DDA1: variants seen among roughly 807,000 people sequenced by gnomAD.
DDA1 encodes DET1 and DDB1 associated 1, also known as DET1- and DDB1-associated protein 1.
In DDA1, 3 loss-of-function variants were observed where a neutral mutation model predicts 18.6. The ratio of observed to expected loss-of-function variants is 0.16; its 90% CI spans 0.07 to 0.42. The LOEUF is 0.42. Ranked by LOEUF, DDA1 falls within the 10% of genes least tolerant of loss-of-function variation. DDA1 has a pLI of 0.99. For missense variants in DDA1, 105 were observed against 138.2 expected, an observed-to-expected ratio of 0.76 and a Z score of 1.20; for synonymous variants, 52 against 54.0, an observed-to-expected ratio of 0.96 and a Z score of 0.17.
rs35729570 is a variant in DDA1, at chr19:17,309,620, G to A, written c.-35G>A. The stretch of plus-strand genomic sequence containing the variant: ...CTCTGGTGGCGGCGGTGGAGGCTGA[G>A]GCGGCGGCCGAGGCGGCGACGGAGG... On this transcript the variant is annotated 5_prime_UTR_variant, in exon 1 of 5. Transcript: ENST00000359866. The A allele has an allele frequency of 1.2e-6, 2 of 1,611,470 alleles. No individual in the cohort carries two copies. Among genetic ancestry groups the A allele is most frequent in the African/African-American group, 1.3e-5 (1 of 74,952 alleles).
chr19:17,318,944 C>G (rs2074226619), intron 4 of DDA1, among the ~76,000 whole-genome samples: 1 of 152,030 alleles, frequency 6.6e-6, no homozygotes, highest in African/African-American at 2.4e-5. Context: ...AAAATCCAAG[C>G]TGCTGGGCCC....
Position 17,319,984 on chromosome 19 carries a change from A to C in DDA1, c.*328A>C. On this transcript the variant is annotated 3_prime_UTR_variant, in exon 5 of 5. Coordinates refer to ENST00000359866, the MANE Select transcript of DDA1 (RefSeq NM_024050.6). ...CCGATTCCTGCCCCCAGTTCTCCAG[A>C]GAACCAGAGTGTGTCTGTGAGAGTC... The C allele has an allele frequency of 3.6e-6, 1 of 274,260 alleles. No homozygotes were observed. Among genetic ancestry groups the C allele is most frequent in the South Asian group, 3.9e-5 (1 of 25,392 alleles). 17.0% of individuals were successfully genotyped at this position (274,260 alleles called of 1,614,324 possible). A position where few individuals can be genotyped will look rare whatever the true frequency, so the allele number is the denominator to read the frequency against.
chr19:17,312,331 C>T (rs1432654617), intron 1 of DDA1, among the ~76,000 whole-genome samples: 1 of 152,114 alleles, frequency 6.6e-6, no homozygotes, highest in Non-Finnish European at 1.5e-5. Flanking sequence ...AAGCAGATGA[C>T]CTCGCCGGGG....
intron 4 of DDA1, 34 bp from the exon 5 acceptor site, chr19:17,319,510 AAG>A (rs79161219): frequency 0.32 from 488,026 of 1,541,280 alleles, 79,374 homozygotes; most frequent in South Asian, 0.38. Flanking sequence ...TCCGAAAAAA[AAG>A]ACTCACAGCC....
chr19:17,315,187 A>G (rs2074199566), intron 3 of DDA1, among the ~76,000 whole-genome samples: 1 of 26,036 alleles, frequency 3.8e-5, no homozygotes, highest in Admixed American at 2.2e-4. Context: ...ACACGTGTAT[A>G]CACACACGTG....
chr19:17,309,696 G>C, intron 1 of DDA1, 39 bp downstream of exon 1: 6 of 1,607,128 alleles, frequency 3.7e-6, no homozygotes, highest in Non-Finnish European at 5.1e-6. Context: ...CCCTCTGCTA[G>C]ACAAAATGGC....
At chr19:17,317,203 C>T (rs555619473) in intron 4 of DDA1, among the ~76,000 whole-genome samples, 13 of 151,980 alleles carry the variant, frequency 8.6e-5, no homozygotes, top group African/African-American at 3.1e-4. Context: ...GCAGCCTGGG[C>T]GGTCTCAAGA....
intron 4 of DDA1, among the ~76,000 whole-genome samples, chr19:17,319,056 CA>C (rs767031082): frequency 3.3e-5 from 5 of 152,146 alleles, no homozygotes; most frequent in Admixed American, 6.5e-5. Context: ...CAGTGGCTTC[CA>C]AAGGCCCTTT....
intron 3 of DDA1, 28 bp from the exon 4 acceptor site, chr19:17,315,906 T>G (rs201896711): frequency 1.5e-4 from 244 of 1,613,050 alleles, no homozygotes; most frequent in Non-Finnish European, 1.9e-4. Context: ...GGGAGGCGTC[T>G]GCGACTTTCT....
rs11666036 is a variant in DDA1, at chr19:17,320,686, C to T, written c.*1030C>T. On this transcript the variant is annotated 3_prime_UTR_variant, in exon 5 of 5. Transcript: ENST00000359866. ...CCCTGAGGCATGGTGACAGTACAGA[C>T]GGCATCTGGCCGGTCTTGCTGTCCT... The T allele has an allele frequency of 0.27, 41,844 of 152,438 alleles. 6,151 individuals are homozygous for T. The highest frequency in any genetic ancestry group is 0.39 in the South Asian group (1,882 of 4,836). 9.4% of individuals were successfully genotyped at this position (152,438 alleles called of 1,614,324 possible).
chr19:17,316,626 G>T (rs886325051), intron 4 of DDA1, among the ~76,000 whole-genome samples: 1 of 152,012 alleles, frequency 6.6e-6, no homozygotes, highest in Non-Finnish European at 1.5e-5. Flanking sequence ...TGTAATCCCA[G>T]CACTTTGGGA....
intron 4 of DDA1, among the ~76,000 whole-genome samples, chr19:17,317,365 C>T (rs564722749): frequency 1.5e-4 from 23 of 151,884 alleles, no homozygotes; most frequent in Non-Finnish European, 2.5e-4. Context: ...AAAAATTAGC[C>T]GCGTAGCTGG....
Position 17,315,950 on chromosome 19 carries a change from G to C in DDA1, c.153G>C (p.Lys51Asn). 6.2e-7 allele frequency: 1 copy of C among 1,614,156 alleles called. No individual in the cohort carries two copies. Among genetic ancestry groups the C allele is most frequent in the Non-Finnish European group, 8.5e-7 (1 of 1,180,014 alleles). The change falls in exon 4 of 5, where the codon AAG (lysine) becomes AAC (asparagine). Residue 51 changes from lysine to asparagine, a missense_variant. By Grantham distance (94) the Lys-to-Asn change is moderately conservative (BLOSUM62 0). Transcript: ENST00000359866. ...YPSEQIIVTE[K>N]TNILLRYLHQ... ...CCTCCTTAGTCATCGTGACAGAAAA[G>C]ACAAACATCCTCCTGCGCTACCTGC...
In DDA1 at chr19:17,314,399, C is replaced by CGCTGTCA. The variant is rs748912462; in HGVS notation, c.136+12_136+18dup. ...TACCCGTCTGAACAGAGTAAGTGGC[C>CGCTGTCA]GCTGTCAGTCTGTCCCATTCTGGCT... is the stretch of plus-strand genomic sequence containing the variant. On this transcript the variant is annotated intron_variant, in intron 3 of 4. Transcript: ENST00000359866. This position sits in a 1 kb window ranked among gnomAD's most constrained non-coding sequence, Gnocchi z 4.6. 6.2e-7 allele frequency: 1 copy of CGCTGTCA among 1,614,228 alleles called. No homozygotes were observed. The highest frequency in any genetic ancestry group is 8.5e-7 in the Non-Finnish European group (1 of 1,180,022).
intron 3 of DDA1, among the ~76,000 whole-genome samples, chr19:17,315,214 TACACACACGTGTATACAC>T (rs1464579962): frequency 4.0e-5 from 1 of 24,948 alleles, no homozygotes; most frequent in African/African-American, 1.4e-4. Flanking sequence ...CACGTGTATA[TACACACACGTGTATACAC>T]ACACACGTGT....
In DDA1 at chr19:17,317,759, A is replaced by C. The variant is rs980657857; in HGVS notation, c.198+1764A>C. 1.5e-4 allele frequency among the ~76,000 whole-genome samples: 22 copies of C among 150,516 alleles called. No individual in the cohort carries two copies. In the East Asian group the frequency reaches 4.3e-3, roughly 30 times the overall value. ...GAGGCTGAGGTGGGAGGATCGCTTG[A>C]GCCCAGGAGGTTGAGGCTGCAGTGA... On this transcript the variant is annotated intron_variant, in intron 4 of 4. Coordinates refer to ENST00000359866, the MANE Select transcript of DDA1 (RefSeq NM_024050.6).
chr19:17,312,207 C>A (rs1352770974), intron 1 of DDA1, among the ~76,000 whole-genome samples: 2 of 152,112 alleles, frequency 1.3e-5, no homozygotes, highest in Non-Finnish European at 2.9e-5. Context: ...GGAGTACCTG[C>A]ACCTCTCGCC....
At chr19:17,312,956 G>C (rs1318877127) in intron 1 of DDA1, among the ~76,000 whole-genome samples, 1 of 152,096 alleles carries the variant, frequency 6.6e-6, no homozygotes, top group Non-Finnish European at 1.5e-5. Context: ...CCACATTCCG[G>C]CTTCCCGAGA....
At chr19:17,311,593 C>A (rs8100448) in intron 1 of DDA1, among the ~76,000 whole-genome samples, 52,134 of 150,048 alleles carry the variant, frequency 0.35, 9,462 homozygotes, top group South Asian at 0.42. Flanking sequence ...CTTCTCCACT[C>A]TGTCTGTGAG....
Sources: allele counts gnomAD v4.1 joint callset (sites outside exome capture counted in the v4.1 genomes callset), GRCh38; gene constraint gnomAD v4.1.1; non-coding constraint Gnocchi (gnomAD v3.1); transcripts MANE v1.5; gene names NCBI Gene and HGNC (gene_info 2026-07-23, HGNC 2026-07-21).